Variants in SERPINI1 observed in about 807,000 individuals in gnomAD.
The protein encoded by SERPINI1 is neuroserpin.
In SERPINI1, 19 loss-of-function variants were observed where a neutral mutation model predicts 41.1. The ratio of observed to expected loss-of-function variants is 0.46; its 90% CI spans 0.32 to 0.68. The LOEUF (loss-of-function observed/expected upper bound fraction) is 0.68. SERPINI1 is among the 30% of genes least tolerant of loss of function. The pLI is 0.03. For synonymous variants in SERPINI1, 138 were observed against 156.6 expected (o/e 0.88, Z 0.89); for missense variants, 460 against 479.2 (o/e 0.96, Z 0.37).
intron 6 of SERPINI1, among the ~76,000 whole-genome samples, chr3:167,817,785 G>C (rs980543721): frequency 6.6e-5 from 10 of 151,450 alleles, no homozygotes; most frequent in Admixed American, 4.6e-4. Flanking sequence ...ATTTTTAGTA[G>C]AGACGGGGTT....
rs10576293 is a variant in SERPINI1, at chr3:167,742,818, T to TTGTGTGTG, written c.-19+7029_-19+7036dup. On this transcript the variant is annotated intron_variant, in intron 1 of 8. Coordinates refer to ENST00000446050, the MANE Select transcript of SERPINI1 (RefSeq NM_001122752.2). ...TCATTGTTATCAATTTTGTGCCGTT[T>TTGTGTGTG]TGTGTGTGTGTGTGTGTGTGTGTGT... 4.9e-3 allele frequency among the ~76,000 whole-genome samples: 717 copies of TTGTGTGTG among 145,072 alleles called. 4 individuals carry two copies. The highest frequency in any genetic ancestry group is 0.015 in the African/African-American group (587 of 39,594).
intron 1 of SERPINI1, among the ~76,000 whole-genome samples, chr3:167,784,483 A>G (rs1176557447): frequency 6.6e-6 from 1 of 152,322 alleles, no homozygotes; most frequent in South Asian, 2.1e-4. Context: ...TCACACGGCT[A>G]TGAAGAAATA....
chr3:167,789,110 G>C lies in SERPINI1; in HGVS notation c.-18-1G>C. On this transcript the variant is annotated splice_acceptor_variant, in intron 1 of 8. Transcript: ENST00000446050. LOFTEE classifies it low-confidence loss of function (5UTR_SPLICE). ...TTAATATGTAAATTGTTGTTTTTTA[G>C]GCTTGAAACTGTTACAATATGGCTT... 6.2e-7 allele frequency: 1 copy of C among 1,612,862 alleles called. No homozygotes were observed. The highest frequency in any genetic ancestry group is 8.5e-7 in the Non-Finnish European group (1 of 1,179,880).
chr3:167,803,524 A>T (rs1328121692), intron 5 of SERPINI1, among the ~76,000 whole-genome samples: 13 of 152,120 alleles, frequency 8.5e-5, no homozygotes, highest in Admixed American at 8.5e-4. Context: ...CCATCCTATG[A>T]TCTAACCTTA....
intron 5 of SERPINI1, among the ~76,000 whole-genome samples, chr3:167,806,037 G>A (rs1711622419): frequency 6.6e-6 from 1 of 152,060 alleles, no homozygotes; most frequent in Non-Finnish European, 1.5e-5. Context: ...GTATATTGAA[G>A]CACTATTTAC....
chr3:167,801,810 A>G (rs1727908560), intron 5 of SERPINI1, among the ~76,000 whole-genome samples: 1 of 152,198 alleles, frequency 6.6e-6, no homozygotes, highest in Admixed American at 6.5e-5. Flanking sequence ...GCTTTTTAAA[A>G]AAGTCAAGGA....
At chr3:167,798,961 T>C (rs1443624029) in intron 5 of SERPINI1, among the ~76,000 whole-genome samples, 1 of 152,184 alleles carries the variant, frequency 6.6e-6, no homozygotes, top group East Asian at 1.9e-4. Context: ...GTAACAAACC[T>C]ACATACGTAT....
intron 1 of SERPINI1, among the ~76,000 whole-genome samples, chr3:167,766,773 C>T (rs896376190): frequency 2.0e-5 from 3 of 152,186 alleles, no homozygotes; most frequent in Non-Finnish European, 2.9e-5. Flanking sequence ...TAAATTAAAG[C>T]CTAATCCAGA....
At chr3:167,755,591 A>C (rs1726167630) in intron 1 of SERPINI1, among the ~76,000 whole-genome samples, 1 of 152,190 alleles carries the variant, frequency 6.6e-6, no homozygotes, top group African/African-American at 2.4e-5. Flanking sequence ...TGAAGATCAA[A>C]ATCACTGACT....
chr3:167,801,499 C>T (rs1415352690), intron 5 of SERPINI1, among the ~76,000 whole-genome samples: 1 of 151,932 alleles, frequency 6.6e-6, no homozygotes, highest in Non-Finnish European at 1.5e-5. Context: ...GTCAGAAAGA[C>T]CTCCATTCAT....
At chr3:167,743,321 A>T (rs1338111234) in intron 1 of SERPINI1, among the ~76,000 whole-genome samples, 1 of 152,156 alleles carries the variant, frequency 6.6e-6, no homozygotes, top group Non-Finnish European at 1.5e-5. Flanking sequence ...TACCTAAATT[A>T]TGACTCATTC....
rs183719167 is a variant in SERPINI1 at position 167,744,466 on chromosome 3, C to G, written c.-19+8643C>G. 3.8e-3 allele frequency among the ~76,000 whole-genome samples: 579 copies of G among 150,864 alleles called. 1 individual carries two copies. The highest frequency in any genetic ancestry group is 0.015 in the South Asian group (72 of 4,800). ...TTCAGGACACTAGGAAGGGTATCAT[C>G]TAATTGTGAGAAATTTAGAAGAGTT... On this transcript the variant is annotated intron_variant, in intron 1 of 8. Coordinates refer to ENST00000446050, the MANE Select transcript of SERPINI1 (RefSeq NM_001122752.2).
chr3:167,774,847 G>T (rs547272055), intron 1 of SERPINI1, among the ~76,000 whole-genome samples: 1 of 152,200 alleles, frequency 6.6e-6, no homozygotes, highest in East Asian at 1.9e-4. Context: ...GGGGGCCACT[G>T]TTATAAAGTA....
At chr3:167,758,081 C>G (rs892127763) in intron 1 of SERPINI1, among the ~76,000 whole-genome samples, 1 of 152,146 alleles carries the variant, frequency 6.6e-6, no homozygotes, top group Non-Finnish European at 1.5e-5. Flanking sequence ...TTCCTTTACA[C>G]GGATTCATAT....
intron 1 of SERPINI1, among the ~76,000 whole-genome samples, chr3:167,788,530 GA>G (rs527899396): frequency 9.2e-5 from 14 of 152,156 alleles, no homozygotes; most frequent in Non-Finnish European, 1.9e-4. Context: ...ACCAATACGT[GA>G]GGAACAATCA....
intron 1 of SERPINI1, among the ~76,000 whole-genome samples, chr3:167,747,114 C>G (rs748778834): frequency 3.3e-5 from 5 of 152,202 alleles, no homozygotes; most frequent in Admixed American, 6.5e-5. Context: ...GGTACTGATA[C>G]TACAGCATGG....
At chr3:167,770,823 C>T (rs1560001604) in intron 1 of SERPINI1, among the ~76,000 whole-genome samples, 2 of 152,174 alleles carry the variant, frequency 1.3e-5, no homozygotes, top group Non-Finnish European at 2.9e-5. Flanking sequence ...CCCTGTTTCT[C>T]CAGCTCTCAC....
chr3:167,807,048 A>G (rs527816122), intron 5 of SERPINI1, among the ~76,000 whole-genome samples, 196 bp from the exon 6 acceptor site: 15 of 152,180 alleles, frequency 9.9e-5, no homozygotes, highest in African/African-American at 3.6e-4. Flanking sequence ...TTTAAATTCT[A>G]TTTTGTTATG....
intron 6 of SERPINI1, among the ~76,000 whole-genome samples, chr3:167,816,925 G>A (rs1712112797): frequency 6.6e-6 from 1 of 152,010 alleles, no homozygotes; most frequent in South Asian, 2.1e-4. Flanking sequence ...TTGAAGCACG[G>A]CATATGGGGC....
Sources: allele counts gnomAD v4.1 joint callset (sites outside exome capture counted in the v4.1 genomes callset), GRCh38; gene constraint gnomAD v4.1.1; transcripts MANE v1.5; gene names NCBI Gene and HGNC (gene_info 2026-07-23, HGNC 2026-07-21).